The following CLTRN variants were observed in gnomAD, a reference collection of about 807,000 sequenced individuals.
CLTRN encodes collectrin, amino acid transport regulator.
Under a neutral mutation model 14.5 loss-of-function variants are expected in CLTRN, and 12 were observed. That is an observed-to-expected ratio of 0.83 (90% confidence interval 0.53 to 1.34). CLTRN has a LOEUF of 1.34. Among genes scored for constraint, CLTRN ranks in the 40% most tolerant of loss-of-function variants. The pLI, the probability that CLTRN is intolerant of heterozygous loss-of-function variation, is 0.00. For synonymous variants in CLTRN, 58 were observed against 56.5 expected (o/e 1.03, Z -0.12); for missense variants, 154 against 165.1 (o/e 0.93, Z 0.37).
chrX:15,636,356 C>A (rs1012700308), intron 5 of CLTRN, among the ~76,000 whole-genome samples: 23 of 111,464 alleles, frequency 2.1e-4, no homozygotes, highest in African/African-American at 7.5e-4. Flanking sequence ...TACTATTCAG[C>A]CTTTAAAAAG....
At chrX:15,635,880 G>A (rs1450456266) in intron 5 of CLTRN, among the ~76,000 whole-genome samples, 1 of 111,826 alleles carries the variant, frequency 8.9e-6, no homozygotes, top group Admixed American at 9.5e-5. Flanking sequence ...ATTTTAAAAT[G>A]GGGAAAGGAT....
At chrX:15,666,355 G>A (rs777577273), upstream of CLTRN, among the ~76,000 whole-genome samples, 4 of 111,609 alleles carry the variant, frequency 3.6e-5, no homozygotes, top group Non-Finnish European at 7.5e-5. Flanking sequence ...TCAACGCCCC[G>A]CCCAGAGGTT....
intron 3 of CLTRN, among the ~76,000 whole-genome samples, chrX:15,655,509 C>T (rs1001570499): frequency 4.5e-5 from 5 of 112,336 alleles, no homozygotes; most frequent in Non-Finnish European, 9.4e-5. Context: ...CTTGCTCTGT[C>T]TCACTTAGGG....
intron 3 of CLTRN, among the ~76,000 whole-genome samples, chrX:15,650,777 T>C (rs1929196656): frequency 8.9e-6 from 1 of 112,313 alleles, no homozygotes; most frequent in Non-Finnish European, 1.9e-5. Context: ...GACGTGTTTA[T>C]ATTTTGTTCA....
chrX:15,664,751 C>A lies in CLTRN; in HGVS notation c.25G>T (p.Val9Leu), dbSNP rs375643105. The part of the protein sequence containing the change: MLWLLFFL[V>L]TAIHAELCQP... The stretch of plus-strand genomic sequence containing the variant: ...CAGAGTTCAGCATGAATGGCAGTCA[C>A]CAGAAAAAAGAGCAGCCACAACATT... Residue 9 changes from valine (V) to leucine (L), a missense_variant, in exon 1 of 6, where the codon GTG becomes TTG. Transcript: ENST00000380342. 2 of 1,207,691 alleles carry A rather than the reference C, an allele frequency of 1.7e-6. No homozygotes were observed. Among genetic ancestry groups the A allele is most frequent in the African/African-American group, 3.5e-5 (2 of 56,754 alleles).
intron 1 of CLTRN, among the ~76,000 whole-genome samples, chrX:15,671,842 G>GCACA (rs1436446255): frequency 1.7e-5 from 1 of 59,389 alleles, no homozygotes; most frequent in African/African-American, 8.9e-5. Flanking sequence ...AATTTTATGC[G>GCACA]CGCACACACA....
At chrX:15,663,874 T>G (rs1929563231) in intron 2 of CLTRN, among the ~76,000 whole-genome samples, 2 of 112,805 alleles carry the variant, frequency 1.8e-5, no homozygotes, top group African/African-American at 6.4e-5. Flanking sequence ...CTTTGATAAT[T>G]GAGAATAATT....
chrX:15,655,046 T>C (rs911323727), intron 3 of CLTRN, among the ~76,000 whole-genome samples: 3 of 112,102 alleles, frequency 2.7e-5, no homozygotes, highest in Admixed American at 9.4e-5. Context: ...TCCAGGCCAG[T>C]CTAACCAAAA....
intron 3 of CLTRN, among the ~76,000 whole-genome samples, chrX:15,655,220 G>A (rs1464862175): frequency 8.9e-6 from 1 of 112,112 alleles, no homozygotes; most frequent in Non-Finnish European, 1.9e-5. Flanking sequence ...TTAGGGACAG[G>A]AAAGCAAGAT....
intron 1 of CLTRN, among the ~76,000 whole-genome samples, chrX:15,670,879 AGTGTGTGTGTGTGTGTGTGT>A (rs543420208): frequency 0.089 from 7,545 of 84,976 alleles, 337 homozygotes; most frequent in Non-Finnish European, 0.12. Context: ...AAGGGAGACA[AGTGTGTGTGTGTGTGTGTGT>A]GTGTGTGTGT....
At chrX:15,660,081 G>A (rs1929470704) in intron 2 of CLTRN, among the ~76,000 whole-genome samples, 1 of 111,461 alleles carries the variant, frequency 9.0e-6, no homozygotes, top group African/African-American at 3.3e-5. Flanking sequence ...AAGTTGGTGA[G>A]GGTGGGGGGT....
In CLTRN at chrX:15,653,275, T is replaced by C. The variant is rs143407243; in HGVS notation, c.203+5741A>G. 5.3e-3 allele frequency among the ~76,000 whole-genome samples: 586 copies of C among 110,051 alleles called. 6 individuals carry two copies. The highest frequency in any genetic ancestry group is 0.019 in the African/African-American group (563 of 30,190). On this transcript the variant is annotated intron_variant, in intron 3 of 5. Coordinates refer to ENST00000380342, the MANE Select transcript of CLTRN (RefSeq NM_020665.6). The stretch of plus-strand genomic sequence containing the variant: ...CCTCTCTACTTCAAGATGACTACAC[T>C]TAGATTCTGAAACAGGGTGAAGAGT...
chrX:15,628,037 C>A lies in CLTRN; in HGVS notation c.603G>T (p.Leu201=). The A allele has an allele frequency of 8.7e-7, 1 of 1,144,906 alleles. No individual in the cohort carries two copies. The highest frequency in any genetic ancestry group is 1.2e-6 in the Non-Finnish European group (1 of 858,224). 94.4% of individuals were successfully genotyped at this position (1,144,906 alleles called of 1,213,427 possible). ...TIENGIPSDP[L]DMKGGHINDA... ...CATTAATATGCCCTCCCTTCATGTCCAGGGGATCAGAGGGGATGCCATTTT... is the reference window on the plus strand; with the variant it reads ...CATTAATATGCCCTCCCTTCATGTCAAGGGGATCAGAGGGGATGCCATTTT... Residue 201 remains leucine (L), a synonymous_variant, in exon 6 of 6, where the codon CTG becomes CTT. Transcript: ENST00000380342.
chrX:15,653,451 C>T (rs1190609680), intron 3 of CLTRN, among the ~76,000 whole-genome samples: 1 of 111,275 alleles, frequency 9.0e-6, no homozygotes, highest in Non-Finnish European at 1.9e-5. Flanking sequence ...CCATAGCATC[C>T]TCAGCTGCCA....
intron 1 of CLTRN, among the ~76,000 whole-genome samples, chrX:15,671,560 T>A (rs780134251): frequency 9.0e-6 from 1 of 111,110 alleles, no homozygotes; most frequent in South Asian, 3.8e-4. Flanking sequence ...CCTGAGAGGC[T>A]AATGAAGATT....
chrX:15,648,807 C>T (rs1445386787), intron 3 of CLTRN, among the ~76,000 whole-genome samples: 1 of 90,499 alleles, frequency 1.1e-5, no homozygotes, highest in African/African-American at 4.4e-5. Flanking sequence ...AAGACTCCGT[C>T]TCAAAAAAAA....
intron 3 of CLTRN, among the ~76,000 whole-genome samples, chrX:15,658,211 A>T (rs1402128266): frequency 1.8e-5 from 2 of 112,791 alleles, no homozygotes; most frequent in African/African-American, 6.4e-5. Context: ...TACTGGAGTA[A>T]TACACAAGAT....
chrX:15,658,434 A>G (rs1007664556), intron 3 of CLTRN, among the ~76,000 whole-genome samples: 1 of 112,383 alleles, frequency 8.9e-6, no homozygotes, highest in Admixed American at 9.5e-5. Flanking sequence ...CACCAATCAC[A>G]TAAGTCATTT....
rs367987488 is a variant in CLTRN, at chrX:15,661,379, A to G, written c.118-2278T>C. ...CATAAGCTGGCTGGGTAGGAGTCCAATTTTGGTCACAGAACAAAGGTCCAA... is the reference window on the plus strand; with the variant it reads ...CATAAGCTGGCTGGGTAGGAGTCCAGTTTTGGTCACAGAACAAAGGTCCAA... On this transcript the variant is annotated intron_variant, in intron 2 of 5. Transcript: ENST00000380342. Among the ~76,000 whole-genome samples the G allele has an allele frequency of 8.0e-5, 9 of 112,199 alleles. No homozygotes were observed. In the East Asian group the frequency reaches 1.4e-3, roughly 17 times the overall value.
Sources: allele counts gnomAD v4.1 joint callset (sites outside exome capture counted in the v4.1 genomes callset), GRCh38; gene constraint gnomAD v4.1.1; transcripts MANE v1.5; gene names NCBI Gene and HGNC (gene_info 2026-07-23, HGNC 2026-07-21).